The following USP20 variants were observed in gnomAD, a reference collection of about 807,000 sequenced individuals.
USP20 encodes the protein ubiquitin specific peptidase 20.
Under a neutral mutation model 124.2 loss-of-function variants are expected in USP20, and 80 were observed. The ratio of observed to expected loss-of-function variants is 0.64; its 90% confidence interval spans 0.54 to 0.78. USP20 has a LOEUF of 0.78. USP20 is among the 30% of genes least tolerant of loss of function. USP20 has a pLI of 0.00. For synonymous variants in USP20, 481 were observed against 512.3 expected, an observed-to-expected ratio of 0.94 and a Z score of 0.83; for missense variants, 1,043 against 1,244.4, an observed-to-expected ratio of 0.84 and a Z score of 2.44.
In USP20 at chr9:129,876,110, C is replaced by G. The variant is rs1201188478; in HGVS notation, c.2301-20C>G. 1 of 1,602,648 alleles carries G rather than the reference C, an allele frequency of 6.2e-7. No homozygotes were observed. Among genetic ancestry groups the G allele is most frequent in the South Asian group, 1.1e-5 (1 of 89,882 alleles). On this transcript the variant is annotated intron_variant, in intron 21 of 25. Coordinates refer to ENST00000372429, the MANE Select transcript of USP20 (RefSeq NM_001110303.4). Reference sequence around the variant, plus strand: ...GGTACCCCGCTCAGGCCGTGTCTCTCTCTCCCACCCTGGGCACAGATTCGG... The same window carrying G: ...GGTACCCCGCTCAGGCCGTGTCTCTGTCTCCCACCCTGGGCACAGATTCGG...
chr9:129,867,886 CA>C, intron 10 of USP20, 118 bp from the exon 11 acceptor site: 4 of 1,267,124 alleles, frequency 3.2e-6, no homozygotes, highest in Non-Finnish European at 4.3e-6. Context: ...AACTCTTCTG[CA>C]GGGGGCGCCC....
chr9:129,880,045 A>C, intron 24 of USP20, 68 bp from the exon 25 acceptor site: 6 of 1,571,686 alleles, frequency 3.8e-6, no homozygotes, highest in Non-Finnish European at 5.2e-6. Context: ...CGGAGCCCCC[A>C]CTGCCCAGGC....
chr9:129,874,344 T>A (rs575957892), intron 17 of USP20, among the ~76,000 whole-genome samples: 1 of 152,256 alleles, frequency 6.6e-6, no homozygotes, highest in African/African-American at 2.4e-5. Context: ...CCGACAGAAC[T>A]GGTAAACTTG....
At chr9:129,870,796 G>A (rs2034084560) in intron 15 of USP20, among the ~76,000 whole-genome samples, 1 of 152,158 alleles carries the variant, frequency 6.6e-6, no homozygotes, top group South Asian at 2.1e-4. Flanking sequence ...TTACCAATTT[G>A]GTGGGCAAAA....
rs145850192 is a variant in USP20 at position 129,876,250 on chromosome 9, G to C, written c.2409+12G>C. On this transcript the variant is annotated intron_variant, in intron 22 of 25. Transcript: ENST00000372429. Reference sequence around the variant, plus strand: ...ACACCTTCATCAAGGTGCGTGCGGCGAGGCGGCGCGGGGGCGGCTCTGCCA... The same window carrying C: ...ACACCTTCATCAAGGTGCGTGCGGCCAGGCGGCGCGGGGGCGGCTCTGCCA... 1 of 1,602,458 alleles carries C rather than the reference G, an allele frequency of 6.2e-7. No homozygotes were observed. Among genetic ancestry groups the C allele is most frequent in the East Asian group, 2.3e-5 (1 of 44,078 alleles).
chr9:129,844,231 A>G (rs1001843915), intron 1 of USP20, among the ~76,000 whole-genome samples: 65 of 152,214 alleles, frequency 4.3e-4, no homozygotes, highest in Non-Finnish European at 1.0e-4. Flanking sequence ...TTATTCACCT[A>G]TTAGAAATGA....
intron 1 of USP20, 68 bp downstream of exon 1, chr9:129,835,567 G>C (rs1051503505): frequency 5.4e-6 from 1 of 186,852 alleles, no homozygotes; most frequent in South Asian, 1.3e-4. Flanking sequence ...CCCCAGCCCG[G>C]CTCCGGGCTG....
At chr9:129,854,239 C>G (rs1169493087) in intron 3 of USP20, among the ~76,000 whole-genome samples, 2 of 152,188 alleles carry the variant, frequency 1.3e-5, no homozygotes, top group Non-Finnish European at 2.9e-5. Context: ...GGAAACAATT[C>G]TGCTTCTGGG....
At position 129,846,420 on chromosome 9, in the gene USP20, C is replaced by G. The variant is rs183627535; in HGVS notation, c.-128-3393C>G. On this transcript the variant is annotated intron_variant, in intron 1 of 25. Coordinates refer to ENST00000372429, the MANE Select transcript of USP20 (RefSeq NM_001110303.4). ...ACAGGTGCGTGCACCACCATGCCCA[C>G]CTAATTTTTAAATTTTTTGTAGAGA... 3.2e-4 allele frequency among the ~76,000 whole-genome samples: 48 copies of G among 150,326 alleles called. No homozygotes were observed. In the East Asian group the frequency reaches 7.8e-3, roughly 25 times the overall value.
intron 6 of USP20, 99 bp downstream of exon 6, chr9:129,858,697 C>T (rs2033352884): frequency 1.3e-6 from 2 of 1,522,784 alleles, no homozygotes. Flanking sequence ...CAGTAGGTCC[C>T]AGAGGTGTCT....
chr9:129,841,171 C>T (rs978495087), intron 1 of USP20, among the ~76,000 whole-genome samples: 1 of 152,200 alleles, frequency 6.6e-6, no homozygotes, highest in African/African-American at 2.4e-5. Context: ...TTTATTTTCT[C>T]ACAGTTCTGG....
Position 129,868,410 on chromosome 9 carries a change from C to A in USP20, c.1096C>A (p.Pro366Thr), listed in dbSNP as rs752016267. 6.2e-7 allele frequency: 1 copy of A among 1,611,292 alleles called. No homozygotes were observed. Among genetic ancestry groups the A allele is most frequent in the Non-Finnish European group, 8.5e-7 (1 of 1,178,712 alleles). ...TGACGACCAGCCCGCGGAGGCCCAGCCCCCGTCACCACGGTCCTCCAGCCC... is the reference window on the plus strand; with the variant it reads ...TGACGACCAGCCCGCGGAGGCCCAGACCCCGTCACCACGGTCCTCCAGCCC... ...ALDDQPAEAQ[P>T]PSPRSSSPCR... The change falls in exon 11 of 26, where the codon CCC (proline) becomes ACC (threonine). Residue 366 changes from proline to threonine, a missense_variant. Pro to Thr is a conservative substitution (Grantham distance 38). Coordinates refer to ENST00000372429, the MANE Select transcript of USP20 (RefSeq NM_001110303.4).
At chr9:129,850,021 G>GGT (rs1554743647) in intron 2 of USP20, 97 bp downstream of exon 2, 1 of 146,318 alleles carries the variant, frequency 6.8e-6, no homozygotes. Flanking sequence ...GTGATTATGG[G>GGT]GTTTTTTTTT....
At chr9:129,859,074 A>G (rs1340737963) in intron 6 of USP20, among the ~76,000 whole-genome samples, 3 of 151,636 alleles carry the variant, frequency 2.0e-5, no homozygotes, top group Non-Finnish European at 4.4e-5. Flanking sequence ...CAACCAGAGA[A>G]TGGTCCTTTG....
chr9:129,873,843 T>C (rs913611153), intron 17 of USP20, 99 bp downstream of exon 17: 2 of 1,444,474 alleles, frequency 1.4e-6, no homozygotes, highest in Non-Finnish European at 1.9e-6. Flanking sequence ...CTCGGGCACT[T>C]CTGTGCTGCA....
chr9:129,863,161 C>G (rs929143926), intron 8 of USP20, 25 bp from the exon 9 acceptor site: 2 of 1,503,014 alleles, frequency 1.3e-6, no homozygotes, highest in South Asian at 1.2e-5. Context: ...CTCTCCTGAC[C>G]TGGCTCTCTC....
chr9:129,872,646 A>G (rs777977313), intron 15 of USP20, among the ~76,000 whole-genome samples: 7 of 152,116 alleles, frequency 4.6e-5, no homozygotes, highest in Non-Finnish European at 1.0e-4. Context: ...TAAAAGTTTT[A>G]TAGTTTTAGG....
chr9:129,855,936 G>T (rs1260695279), intron 3 of USP20, among the ~76,000 whole-genome samples: 2 of 152,198 alleles, frequency 1.3e-5, no homozygotes, highest in Non-Finnish European at 2.9e-5. Context: ...TTGTCTAATG[G>T]GGAGAAAGGC....
intron 9 of USP20, among the ~76,000 whole-genome samples, chr9:129,864,698 C>T (rs1415113213): frequency 1.3e-5 from 2 of 149,192 alleles, no homozygotes; most frequent in Non-Finnish European, 1.5e-5. Context: ...CACTTGAACT[C>T]GGGAGGCGGA....
Sources: allele counts gnomAD v4.1 joint callset (sites outside exome capture counted in the v4.1 genomes callset), GRCh38; gene constraint gnomAD v4.1.1; transcripts MANE v1.5; gene names NCBI Gene and HGNC (gene_info 2026-07-23, HGNC 2026-07-21).